Variants in KCNH5 observed in about 807,000 individuals in gnomAD.
KCNH5 encodes voltage-gated delayed rectifier potassium channel KCNH5.
KCNH5 carries 46 observed loss-of-function variants against 96.1 expected under a neutral mutation model. That is an observed-to-expected ratio of 0.48 (90% CI 0.38 to 0.61). The LOEUF is 0.61. Among genes scored for constraint, KCNH5 ranks in the 20% least tolerant of loss-of-function variants. The pLI, the probability that KCNH5 is intolerant of heterozygous loss-of-function variation, is 0.00. For synonymous variants in KCNH5, 439 were observed against 449.8 expected, an observed-to-expected ratio of 0.98 and a Z score of 0.30; for missense variants, 907 against 1,225.8, an observed-to-expected ratio of 0.74 and a Z score of 3.88.
intron 8 of KCNH5, among the ~76,000 whole-genome samples, chr14:62,845,748 T>A (rs570975690): frequency 8.2e-4 from 124 of 152,078 alleles, no homozygotes; most frequent in African/African-American, 2.8e-3. Flanking sequence ...GGGAAAAAAA[T>A]GTGTGTAAAA....
intron 3 of KCNH5, among the ~76,000 whole-genome samples, chr14:63,003,626 T>TTATATTTATATATATATATATATA (rs1566537080): frequency 3.4e-5 from 4 of 116,224 alleles, no homozygotes; most frequent in Non-Finnish European, 6.8e-5. Context: ...ATATATATAT[T>TTATATTTATATATATATATATATA]TTTTTTTTTT....
intron 4 of KCNH5, among the ~76,000 whole-genome samples, chr14:62,999,097 G>A (rs10136345): frequency 8.5e-5 from 13 of 152,108 alleles, no homozygotes; most frequent in South Asian, 8.3e-4. Context: ...TCTAGATCCC[G>A]GAGGAATCGC....
At position 62,701,622 on chromosome 14, in the gene KCNH5, C is replaced by T. The variant is rs192692095; in HGVS notation, c.*5886G>A. The T allele has an allele frequency of 3.9e-5, 6 of 152,238 alleles. No homozygotes were observed. The East Asian group carries it at 1.2e-3, about 29-fold the overall frequency. 9.4% of individuals were successfully genotyped at this position (152,238 alleles called of 1,614,324 possible). On this transcript the variant is annotated 3_prime_UTR_variant, in exon 11 of 11. Transcript: ENST00000322893. The stretch of plus-strand genomic sequence containing the variant: ...GGATTCTTCCTTTCTATGATTACCT[C>T]TGGCTCAGTTATTAGCCAAGTGAAA...
chr14:62,765,661 A>T (rs1885843644), intron 10 of KCNH5, among the ~76,000 whole-genome samples: 1 of 152,178 alleles, frequency 6.6e-6, no homozygotes, highest in South Asian at 2.1e-4. Flanking sequence ...AGGAACTTAC[A>T]CAAATTAACA....
intron 7 of KCNH5, among the ~76,000 whole-genome samples, chr14:62,900,923 T>A (rs1888912456): frequency 6.6e-6 from 1 of 152,022 alleles, no homozygotes; most frequent in Admixed American, 6.6e-5. Context: ...CCAATAAAAA[T>A]GAACAAAAGA....
chr14:62,866,571 C>A (rs976571222), intron 7 of KCNH5, among the ~76,000 whole-genome samples: 1 of 152,132 alleles, frequency 6.6e-6, no homozygotes, highest in Non-Finnish European at 1.5e-5. Context: ...TGAAAAAGAT[C>A]TTCAGGGCTC....
chr14:62,882,530 G>A (rs1284363340), intron 7 of KCNH5, among the ~76,000 whole-genome samples: 1 of 152,174 alleles, frequency 6.6e-6, no homozygotes, highest in East Asian at 1.9e-4. Context: ...ACAACGCTGA[G>A]GTTTGCATAG....
intron 8 of KCNH5, among the ~76,000 whole-genome samples, chr14:62,815,030 T>A (rs964321377): frequency 6.6e-6 from 1 of 152,118 alleles, no homozygotes; most frequent in African/African-American, 2.4e-5. Context: ...TACTCAAAGA[T>A]TCATTAATGT....
intron 8 of KCNH5, among the ~76,000 whole-genome samples, chr14:62,833,725 T>A (rs1273108255): frequency 1.3e-5 from 2 of 152,074 alleles, no homozygotes; most frequent in Non-Finnish European, 2.9e-5. Flanking sequence ...GAGATCAAAC[T>A]AATTTTTGCC....
chr14:62,978,599 A>G lies in KCNH5; in HGVS notation c.942+2273T>C, dbSNP rs189331677. ...GAGACTCCGTCTCAAAAAAAAAAAA[A>G]AAAGAAAGAAAATTGTATTTAGTGT... is the stretch of plus-strand genomic sequence containing the variant. On this transcript the variant is annotated intron_variant, in intron 6 of 10. Transcript: ENST00000322893. Among the ~76,000 whole-genome samples, 161 of 151,942 alleles carry G rather than the reference A, an allele frequency of 1.1e-3. 2 individuals are homozygous for G. The East Asian group carries it at 0.024, about 23-fold the overall frequency.
At chr14:62,802,734 C>A (rs913629432) in intron 8 of KCNH5, among the ~76,000 whole-genome samples, 153 bp from the exon 9 acceptor site, 1 of 152,210 alleles carries the variant, frequency 6.6e-6, no homozygotes, top group African/African-American at 2.4e-5. Context: ...GAACAAGACA[C>A]AGCTCCGCTC....
At chr14:62,884,771 T>G (rs1274866943) in intron 7 of KCNH5, among the ~76,000 whole-genome samples, 1 of 152,122 alleles carries the variant, frequency 6.6e-6, no homozygotes, top group Admixed American at 6.6e-5. Context: ...GATGATAAAA[T>G]CAGAATGTGG....
chr14:62,756,281 C>A (rs1885621989), intron 10 of KCNH5, among the ~76,000 whole-genome samples: 1 of 151,918 alleles, frequency 6.6e-6, no homozygotes, highest in Non-Finnish European at 1.5e-5. Flanking sequence ...TATAATACAT[C>A]AGTGAAAGAA....
intron 1 of KCNH5, among the ~76,000 whole-genome samples, chr14:63,017,872 T>C (rs950774001): frequency 1.3e-5 from 2 of 151,948 alleles, no homozygotes; most frequent in Non-Finnish European, 2.9e-5. Flanking sequence ...TAGAAGACTT[T>C]AAATCCTCAT....
chr14:62,856,632 G>A (rs534139458), intron 7 of KCNH5, among the ~76,000 whole-genome samples: 31 of 152,280 alleles, frequency 2.0e-4, no homozygotes, highest in African/African-American at 7.2e-4. Context: ...ACAAAGTGGA[G>A]AAGCTCATCT....
chr14:62,975,776 TAAG>T, intron 6 of KCNH5, among the ~76,000 whole-genome samples: 1 of 151,744 alleles, frequency 6.6e-6, no homozygotes, highest in Admixed American at 6.6e-5. Flanking sequence ...AACACAAAGG[TAAG>T]AAAAGGCATT....
At chr14:62,761,200 C>T (rs1595610699) in intron 10 of KCNH5, among the ~76,000 whole-genome samples, 1 of 151,858 alleles carries the variant, frequency 6.6e-6, no homozygotes, top group East Asian at 1.9e-4. Context: ...ACTAAAAATA[C>T]AAAAATTAGC....
chr14:62,813,208 CT>C (rs1346205665), intron 8 of KCNH5, among the ~76,000 whole-genome samples: 1 of 152,124 alleles, frequency 6.6e-6, no homozygotes, highest in Non-Finnish European at 1.5e-5. Flanking sequence ...AATAATATCT[CT>C]CTTTAATCTT....
At chr14:62,828,327 A>G (rs1378199777) in intron 8 of KCNH5, among the ~76,000 whole-genome samples, 1 of 152,072 alleles carries the variant, frequency 6.6e-6, no homozygotes, top group Non-Finnish European at 1.5e-5. Flanking sequence ...TATGTGAATT[A>G]TTTCTATTTA....
Sources: gnomAD v4.1 joint callset for allele counts (sites outside exome capture counted in the v4.1 genomes callset) on GRCh38, gnomAD v4.1.1 for gene constraint, MANE v1.5 for transcripts, NCBI Gene and HGNC (gene_info 2026-07-23, HGNC 2026-07-21) for gene names.